Variants in COMMD1 observed in about 807,000 individuals in gnomAD.
COMMD1 encodes the protein copper metabolism domain containing 1.
COMMD1 carries 10 observed loss-of-function variants against 17.2 expected under a neutral mutation model. The observed-to-expected ratio is 0.58, with a 90% CI of 0.36 to 0.99. The LOEUF (loss-of-function observed/expected upper bound fraction) is 0.99, where lower values mean the gene tolerates loss of function less well. Ranked by LOEUF, COMMD1 falls within the 50% of genes least tolerant of loss-of-function variation. The pLI is 0.01. For synonymous variants in COMMD1, 97 were observed against 91.6 expected (o/e 1.06, Z -0.34); for missense variants, 270 against 231.8 (o/e 1.17, Z -1.07).
At chr2:62,060,497 A>G (rs1280005176) in intron 2 of COMMD1, among the ~76,000 whole-genome samples, 2 of 152,128 alleles carry the variant, frequency 1.3e-5, no homozygotes, top group East Asian at 1.9e-4. Flanking sequence ...AAGTAGTCCT[A>G]TGTATTTCCA....
chr2:62,030,073 A>G (rs1228319800), intron 2 of COMMD1, among the ~76,000 whole-genome samples: 1 of 152,238 alleles, frequency 6.6e-6, no homozygotes, highest in African/African-American at 2.4e-5. Context: ...AATAGACTTA[A>G]TGGGGAAACC....
At chr2:61,943,631 T>A (rs1670811274) in intron 1 of COMMD1, among the ~76,000 whole-genome samples, 1 of 152,118 alleles carries the variant, frequency 6.6e-6, no homozygotes, top group Non-Finnish European at 1.5e-5. Context: ...GGTCAGGAGT[T>A]CGAGACCAAC....
chr2:62,075,154 G>A (rs777370917), intron 2 of COMMD1, among the ~76,000 whole-genome samples: 4 of 151,988 alleles, frequency 2.6e-5, no homozygotes, highest in Non-Finnish European at 5.9e-5. Flanking sequence ...CTCCCAAAGT[G>A]CCAGGATTAC....
At chr2:62,100,675 G>C (rs1672153726) in intron 2 of COMMD1, among the ~76,000 whole-genome samples, 1 of 152,126 alleles carries the variant, frequency 6.6e-6, no homozygotes, top group Admixed American at 6.5e-5. Context: ...AAATGTCCAG[G>C]TTAAGGTAAA....
rs997515311 is a variant in COMMD1 at position 62,000,960 on chromosome 2, T to C, written c.440T>C (p.Leu147Pro). The change falls in exon 2 of 3, where the codon CTG becomes CCG. Residue 147 changes from leucine (L) to proline (P), a missense_variant. Physicochemically the swap from Leu to Pro is moderately conservative, Grantham distance 98. Coordinates refer to ENST00000311832, the MANE Select transcript of COMMD1 (RefSeq NM_152516.4). ...CACACACCTGTTGCCATTATAGAGC[T>C]GGAATTAGGCAAATATGGACAGGTG... ...QIHTPVAIIE[L>P]ELGKYGQESE... is the part of the protein sequence containing the mutation. The C allele has an allele frequency of 6.2e-7, 1 of 1,613,700 alleles. No homozygotes were observed. Among genetic ancestry groups the C allele is most frequent in the Non-Finnish European group, 8.5e-7 (1 of 1,180,026 alleles).
At position 62,060,965 on chromosome 2, in the gene COMMD1, C is replaced by A. The variant is rs145428846; in HGVS notation, c.462+59983C>A. Among the ~76,000 whole-genome samples the A allele has an allele frequency of 6.3e-3, 956 of 152,146 alleles. 7 individuals carry two copies. The highest frequency in any genetic ancestry group is 9.4e-3 in the Non-Finnish European group (638 of 67,990). On this transcript the variant is annotated intron_variant, in intron 2 of 2. Coordinates refer to ENST00000311832, the MANE Select transcript of COMMD1 (RefSeq NM_152516.4). ...TCCATTTATCTTTTAGTTCACTGAT[C>A]CTTCCGTCATCTCCAATCTGCTGTT...
Position 62,070,592 on chromosome 2 carries a change from A to G in COMMD1, c.463-65239A>G, listed in dbSNP as rs530794190. 2.0e-5 allele frequency among the ~76,000 whole-genome samples: 3 copies of G among 152,054 alleles called. 1 individual carries two copies. In the South Asian group the frequency reaches 6.2e-4, roughly 32 times the overall value. The stretch of plus-strand genomic sequence containing the variant: ...ACTAAAAGATAAAAGAAAAGGAAAC[A>G]AAGTATTTGCAGGATGTGAAACCCA... On this transcript the variant is annotated intron_variant, in intron 2 of 2. Transcript: ENST00000311832.
At chr2:61,898,609 A>G (rs1170046923) in intron 1 of COMMD1, among the ~76,000 whole-genome samples, 1 of 152,168 alleles carries the variant, frequency 6.6e-6, no homozygotes, top group Non-Finnish European at 1.5e-5. Context: ...GGGTTTGCAC[A>G]CATTTCAGTT....
upstream of COMMD1, among the ~76,000 whole-genome samples, chr2:61,905,141 T>C (rs979784831): frequency 1.3e-5 from 2 of 152,182 alleles, no homozygotes; most frequent in Non-Finnish European, 2.9e-5. Flanking sequence ...TAAAAGAACA[T>C]TGGATCAGAG....
chr2:61,928,692 A>G (rs1015394705), intron 1 of COMMD1: 24 of 152,240 alleles, frequency 1.6e-4, no homozygotes, highest in Admixed American at 2.6e-4. Flanking sequence ...GTGATAAGCT[A>G]TAAACCAGCC....
chr2:61,917,437 A>T (rs1261691527), intron 1 of COMMD1, among the ~76,000 whole-genome samples: 1 of 152,200 alleles, frequency 6.6e-6, no homozygotes, highest in Non-Finnish European at 1.5e-5. Flanking sequence ...AGTTTTTTAA[A>T]ATCAAAGAAT....
chr2:62,067,784 G>A (rs2103954378), intron 2 of COMMD1, among the ~76,000 whole-genome samples: 1 of 152,252 alleles, frequency 6.6e-6, no homozygotes, highest in Non-Finnish European at 1.5e-5. Flanking sequence ...CAGGACACCT[G>A]TCACTTTGAG....
intron 2 of COMMD1, among the ~76,000 whole-genome samples, chr2:62,095,495 T>C (rs112375127): frequency 5.4e-4 from 82 of 152,250 alleles, no homozygotes; most frequent in Non-Finnish European, 1.1e-3. Context: ...CCCTGGTTAT[T>C]AAATCTCCAA....
At chr2:62,026,904 C>G (rs1270259708) in intron 2 of COMMD1, among the ~76,000 whole-genome samples, 2 of 152,176 alleles carry the variant, frequency 1.3e-5, no homozygotes, top group Non-Finnish European at 2.9e-5. Flanking sequence ...CAAAGCTTAT[C>G]TAATATCATT....
intron 2 of COMMD1, among the ~76,000 whole-genome samples, chr2:62,003,230 CAAAA>C (rs755266437): frequency 7.7e-6 from 1 of 129,762 alleles, no homozygotes; most frequent in Non-Finnish European, 1.6e-5. Context: ...GGCGCTGTCT[CAAAA>C]AAAAAAAACA....
intron 2 of COMMD1, among the ~76,000 whole-genome samples, chr2:62,063,300 A>T (rs1289164989): frequency 6.6e-6 from 1 of 152,146 alleles, no homozygotes; most frequent in African/African-American, 2.4e-5. Flanking sequence ...AGGGAGCCTG[A>T]GGTGGGAGGA....
chr2:62,057,314 A>G (rs925013059), intron 2 of COMMD1, among the ~76,000 whole-genome samples: 1 of 152,196 alleles, frequency 6.6e-6, no homozygotes, highest in Non-Finnish European at 1.5e-5. Flanking sequence ...GCCAAAAACG[A>G]TAATGTAATA....
chr2:62,119,302 C>T (rs765322615), intron 2 of COMMD1, among the ~76,000 whole-genome samples: 6 of 152,206 alleles, frequency 3.9e-5, no homozygotes, highest in Non-Finnish European at 8.8e-5. Flanking sequence ...ATTTCTGTTG[C>T]ATGAGCCACC....
intron 2 of COMMD1, among the ~76,000 whole-genome samples, chr2:62,129,221 C>T (rs1208808488): frequency 2.0e-5 from 3 of 151,950 alleles, no homozygotes; most frequent in African/African-American, 4.8e-5. Context: ...AATGAAGAAA[C>T]GATACCCTAC....
Sources: allele counts gnomAD v4.1 joint callset (sites outside exome capture counted in the v4.1 genomes callset), GRCh38; gene constraint gnomAD v4.1.1; transcripts MANE v1.5; gene names NCBI Gene and HGNC (gene_info 2026-07-23, HGNC 2026-07-21).